CLSTN3: variants seen among roughly 807,000 people sequenced by gnomAD.
CLSTN3 encodes the protein calsyntenin-3.
A neutral mutation model predicts 95.9 loss-of-function variants in CLSTN3; 36 were observed. The observed-to-expected ratio is 0.38, with a 90% CI of 0.29 to 0.50. The LOEUF (loss-of-function observed/expected upper bound fraction) is 0.50, where lower values mean the gene tolerates loss of function less well. CLSTN3 is among the 20% of genes least tolerant of loss of function. CLSTN3 has a pLI of 0.95. For synonymous variants in CLSTN3, 481 were observed against 504.0 expected, an observed-to-expected ratio of 0.95 and a Z score of 0.61; for missense variants, 1,084 against 1,268.8, an observed-to-expected ratio of 0.85 and a Z score of 2.21.
intron 8 of CLSTN3, among the ~76,000 whole-genome samples, chr12:7,138,466 G>A (rs988767221): frequency 6.6e-6 from 1 of 152,146 alleles, no homozygotes; most frequent in Non-Finnish European, 1.5e-5. Flanking sequence ...CCTGCCAAGG[G>A]AATTTGCTGG....
Position 7,139,683 on chromosome 12 carries a change from T to C in CLSTN3, c.1324-1559T>C, listed in dbSNP as rs149210334. 8.1e-3 allele frequency among the ~76,000 whole-genome samples: 1,230 copies of C among 151,810 alleles called. 21 individuals are homozygous for C. The highest frequency in any genetic ancestry group is 0.028 in the African/African-American group (1,155 of 41,378). On this transcript the variant is annotated intron_variant, in intron 8 of 17. Transcript: ENST00000266546. ...TTTTTTTTTTGAGATGGAGTCTCAC[T>C]CTGTCACTAGGCTGGAGTGCAGTGG...
Position 7,157,105 on chromosome 12 carries a change from G to C in CLSTN3, c.2528-384G>C, listed in dbSNP as rs1414122384. ...GGCACTGGCACCTCTTTCCTAGGCT[G>C]AGTGGTCTCTGGGGAAGGCACAGGT... On this transcript the variant is annotated intron_variant, in intron 16 of 17. Transcript: ENST00000266546. The surrounding 1 kb of genome is among the most constrained non-coding windows in gnomAD (Gnocchi z 5.9). 6.6e-6 allele frequency among the ~76,000 whole-genome samples: 1 copy of C among 152,202 alleles called. No homozygotes were observed. The highest frequency in any genetic ancestry group is 1.5e-5 in the Non-Finnish European group (1 of 68,032).
intron 12 of CLSTN3, among the ~76,000 whole-genome samples, chr12:7,148,719 C>T (rs371987571): frequency 6.6e-6 from 1 of 152,156 alleles, no homozygotes; most frequent in Non-Finnish European, 1.5e-5. Context: ...TGTGATCACA[C>T]CCACAGGTTG....
At position 7,149,861 on chromosome 12, in the gene CLSTN3, G is replaced by A. The variant is rs1014587318; in HGVS notation, c.2245+168G>A. ...CTGGCTTTGATTGTCCCTAGGGAAG[G>A]TGTGCTGGGTTTAGGCTCCGAATGC... On this transcript the variant is annotated intron_variant, in intron 14 of 17. Transcript: ENST00000266546. This position sits in a 1 kb window ranked among gnomAD's most constrained non-coding sequence, Gnocchi z 4.5. Among the ~76,000 whole-genome samples the A allele has an allele frequency of 1.3e-5, 2 of 152,176 alleles. No individual in the cohort carries two copies. The highest frequency in any genetic ancestry group is 2.9e-5 in the Non-Finnish European group (2 of 68,032).
At chr12:7,140,872 A>G (rs1939513732) in intron 8 of CLSTN3, among the ~76,000 whole-genome samples, 1 of 152,114 alleles carries the variant, frequency 6.6e-6, no homozygotes, top group Admixed American at 6.6e-5. Flanking sequence ...GCACCACTGC[A>G]CTCCAGCCTG....
At chr12:7,130,209 C>A, upstream of CLSTN3, 1 of 253,178 alleles carries the variant, frequency 3.9e-6, no homozygotes, top group Non-Finnish European at 7.2e-6. Flanking sequence ...AGTTCCTCGG[C>A]TCCCCCAAAA....
rs931323681 is a variant in CLSTN3 at position 7,158,043 on chromosome 12, G to A, written c.2833G>A (p.Glu945Lys). 3.9e-6 allele frequency: 6 copies of A among 1,548,570 alleles called. No homozygotes were observed. The highest frequency in any genetic ancestry group is 1.4e-5 in the African/African-American group (1 of 73,032). Reference protein sequence around the residue: ...SEVADSPSSDERRIIETPPHR... With the variant: ...SEVADSPSSDKRRIIETPPHR... ...GGTGGCCGATTCCCCCAGCAGCGAC[G>A]AGAGACGCATCATCGAGACCCCCCC... Residue 945 changes from glutamate to lysine, a missense_variant, in exon 18 of 18, where the codon GAG (glutamate) becomes AAG (lysine). Coordinates refer to ENST00000266546, the MANE Select transcript of CLSTN3 (RefSeq NM_014718.4).
At chr12:7,139,474 A>G (rs1244501780) in intron 8 of CLSTN3, among the ~76,000 whole-genome samples, 1 of 152,190 alleles carries the variant, frequency 6.6e-6, no homozygotes, top group East Asian at 1.9e-4. Context: ...GTTGGAGTAC[A>G]GTGAACAAGA....
upstream of CLSTN3, chr12:7,129,497 C>A: frequency 4.0e-6 from 2 of 495,186 alleles, no homozygotes; most frequent in Non-Finnish European, 5.2e-6. The surrounding 1 kb of genome is among the most constrained non-coding windows in gnomAD (Gnocchi z 5.5). Context: ...GAACAGACAG[C>A]CTGAGAGGAG....
At chr12:7,129,574 G>A (rs185225905), upstream of CLSTN3, 746 of 977,730 alleles carry the variant, frequency 7.6e-4, no homozygotes, top group Non-Finnish European at 8.6e-4. The surrounding 1 kb of genome is among the most constrained non-coding windows in gnomAD (Gnocchi z 5.5). Flanking sequence ...CTCTCCCTCT[G>A]AGTCATCGAT....
chr12:7,132,150 T>C (rs1939315913), intron 1 of CLSTN3, among the ~76,000 whole-genome samples: 1 of 152,076 alleles, frequency 6.6e-6, no homozygotes, highest in African/African-American at 2.4e-5. Context: ...CCATTCTGAA[T>C]TGGCTGGTGG....
In CLSTN3 at chr12:7,130,564, G is replaced by C. The variant is rs1351315492; in HGVS notation, c.-85G>C. The C allele has an allele frequency of 1.9e-6, 3 of 1,548,110 alleles. No homozygotes were observed. In the Admixed American group the frequency reaches 5.9e-5, roughly 30 times the overall value. On this transcript the variant is annotated 5_prime_UTR_variant, in exon 1 of 18. Transcript: ENST00000266546. Reference sequence around the variant, plus strand: ...GTACCCCGCTCCTTGGAGACCCCCTGTATCCCTCCCGCAAGGTGGAATCCG... The same window carrying C: ...GTACCCCGCTCCTTGGAGACCCCCTCTATCCCTCCCGCAAGGTGGAATCCG...
chr12:7,147,419 A>T (rs1284009124), intron 12 of CLSTN3, among the ~76,000 whole-genome samples: 1 of 150,968 alleles, frequency 6.6e-6, no homozygotes, highest in Non-Finnish European at 1.5e-5. Context: ...AAAAAAAAAA[A>T]AAAAAATCAG....
chr12:7,156,440 G>T, intron 16 of CLSTN3: 1 of 456,974 alleles, frequency 2.2e-6, no homozygotes, highest in Non-Finnish European at 4.4e-6. Flanking sequence ...CCTTCAGGGG[G>T]TTGCCTGGTC....
At position 7,149,042 on chromosome 12, in the gene CLSTN3, G is replaced by T; in HGVS notation, c.1918G>T (p.Ala640Ser). ...EGYVVVLQPD[A>S]PQILLSGTAH... ...CTACGTGGTCGTCCTTCAGCCTGACGCCCCCCAGATCCTGCTGAGTGGCAC... is the reference window on the plus strand; with the variant it reads ...CTACGTGGTCGTCCTTCAGCCTGACTCCCCCCAGATCCTGCTGAGTGGCAC... Residue 640 changes from alanine (A) to serine (S), a missense_variant, in exon 13 of 18, where the codon GCC becomes TCC. Ala to Ser is a moderately conservative substitution (Grantham distance 99, BLOSUM62 1). Transcript: ENST00000266546. This position sits in a 1 kb window ranked among gnomAD's most constrained non-coding sequence, Gnocchi z 4.5. The T allele has an allele frequency of 6.2e-7, 1 of 1,614,066 alleles. No individual in the cohort carries two copies. The highest frequency in any genetic ancestry group is 8.5e-7 in the Non-Finnish European group (1 of 1,180,002).
At chr12:7,153,394 C>G (rs1411493279) in intron 16 of CLSTN3, among the ~76,000 whole-genome samples, 1 of 152,172 alleles carries the variant, frequency 6.6e-6, no homozygotes, top group African/African-American at 2.4e-5. Context: ...GTCATCCTGG[C>G]TCAGCTTCCC....
Position 7,150,498 on chromosome 12 carries a change from T to C in CLSTN3, c.2246-46T>C, listed in dbSNP as rs1463897700. ...TCCAGGAGAGAGGGTCCTGCCCAGGTCCTGCCTCCACTGGCCCCTGCCCTG... is the reference window on the plus strand; with the variant it reads ...TCCAGGAGAGAGGGTCCTGCCCAGGCCCTGCCTCCACTGGCCCCTGCCCTG... On this transcript the variant is annotated intron_variant, in intron 14 of 17. Coordinates refer to ENST00000266546, the MANE Select transcript of CLSTN3 (RefSeq NM_014718.4). This position sits in a 1 kb window ranked among gnomAD's most constrained non-coding sequence, Gnocchi z 4.0. 3.2e-6 allele frequency: 5 copies of C among 1,585,634 alleles called. No individual in the cohort carries two copies. The East Asian group carries it at 6.8e-5, about 22-fold the overall frequency.
intron 8 of CLSTN3, among the ~76,000 whole-genome samples, chr12:7,140,975 A>G (rs1283608586): frequency 1.3e-5 from 2 of 152,218 alleles, no homozygotes; most frequent in East Asian, 3.8e-4. Flanking sequence ...TATTCATGAA[A>G]GTGTGTTACT....
chr12:7,131,845 A>C (rs777123083), intron 1 of CLSTN3: 2 of 456,422 alleles, frequency 4.4e-6, no homozygotes, highest in African/African-American at 2.0e-5. Flanking sequence ...ATCAGTAAGA[A>C]AGCCTTCCCA....
Sources: allele counts gnomAD v4.1 joint callset (sites outside exome capture counted in the v4.1 genomes callset), GRCh38; gene constraint gnomAD v4.1.1; non-coding constraint Gnocchi (gnomAD v3.1); transcripts MANE v1.5; gene names NCBI Gene and HGNC (gene_info 2026-07-23, HGNC 2026-07-21).